Variants in BABAM1 observed in about 807,000 individuals in gnomAD.
BABAM1 encodes BRISC and BRCA1-A complex member 1.
BABAM1 carries 14 observed loss-of-function variants against 34.4 expected under a neutral mutation model. That is an observed-to-expected ratio of 0.41 (90% CI 0.27 to 0.64). BABAM1 has a LOEUF of 0.64. BABAM1 is among the 30% of genes least tolerant of loss of function. The probability of loss-of-function intolerance (pLI) is 0.34; values close to 1 mark genes in which losing one functional copy is unlikely to be tolerated. For synonymous variants in BABAM1, 169 were observed against 165.8 expected, an observed-to-expected ratio of 1.02 and a Z score of -0.15; for missense variants, 393 against 434.0, an observed-to-expected ratio of 0.91 and a Z score of 0.84.
intron 1 of BABAM1, 168 bp from the exon 2 acceptor site, chr19:17,268,626 T>C (rs1348279173): frequency 6.3e-6 from 4 of 639,938 alleles, no homozygotes; most frequent in Non-Finnish European, 1.0e-5. Flanking sequence ...ACGGGGTTTC[T>C]CCATGTTGGT....
At chr19:17,274,528 A>G (rs1326847435) in intron 5 of BABAM1, 3 of 281,916 alleles carry the variant, frequency 1.1e-5, no homozygotes, top group Non-Finnish European at 2.1e-5. Context: ...AGATCTTGCC[A>G]CTGTACTCCA....
chr19:17,274,702 A>C (rs182918377), intron 5 of BABAM1: 1 of 156,468 alleles, frequency 6.4e-6, no homozygotes, highest in Admixed American at 6.2e-5. Context: ...CAGAAGTGTC[A>C]CCATTGTTCC....
Position 17,268,852 on chromosome 19 carries a change from G to A in BABAM1, c.46G>A (p.Glu16Lys). The A allele has an allele frequency of 1.2e-6, 2 of 1,610,266 alleles. No homozygotes were observed. The highest frequency in any genetic ancestry group is 1.1e-5 in the South Asian group (1 of 90,360). The stretch of plus-strand genomic sequence containing the variant: ...CAGCCCCACTGAAGAGGAGGAGGAG[G>A]AAGAGGAGCACTCGGCAGAGCCTCG... ...PSSPTEEEEE[E>K]EEHSAEPRPR... Residue 16 changes from glutamate to lysine, a missense_variant, in exon 2 of 9, where the codon GAA (glutamate) becomes AAA (lysine). Transcript: ENST00000598188.
At chr19:17,275,277 G>A (rs2073894520) in intron 5 of BABAM1, among the ~76,000 whole-genome samples, 1 of 149,430 alleles carries the variant, frequency 6.7e-6, no homozygotes, top group South Asian at 2.2e-4. Context: ...ATGGCTCCCT[G>A]TGGATCTTAT....
At chr19:17,268,275 AAG>A (rs1050851084) in intron 1 of BABAM1, among the ~76,000 whole-genome samples, 1 of 151,600 alleles carries the variant, frequency 6.6e-6, no homozygotes, top group Non-Finnish European at 1.5e-5. Flanking sequence ...AAGAGGAAAA[AAG>A]AGGGGGGACT....
intron 8 of BABAM1, 76 bp downstream of exon 8, chr19:17,276,985 G>C (rs2073917370): frequency 1.4e-6 from 2 of 1,388,530 alleles, no homozygotes; most frequent in Non-Finnish European, 2.0e-6. Flanking sequence ...ACTGGGTCTG[G>C]GGGTCTCTAC....
At position 17,268,800 on chromosome 19, in the gene BABAM1, A is replaced by T; in HGVS notation, c.-7A>T. 6.3e-7 allele frequency: 1 copy of T among 1,596,192 alleles called. No individual in the cohort carries two copies. Among genetic ancestry groups the T allele is most frequent in the South Asian group, 1.1e-5 (1 of 89,394 alleles). On this transcript the variant is annotated 5_prime_UTR_variant, in exon 2 of 9. Coordinates refer to ENST00000598188, the MANE Select transcript of BABAM1 (RefSeq NM_014173.4). ...CTGTCCGTGTTCCATCTAGCCACAC[A>T]GGAGCCATGGAAGTGGCAGAGCCCA...
At chr19:17,272,076 G>A (rs1367215247) in intron 3 of BABAM1, among the ~76,000 whole-genome samples, 1 of 152,002 alleles carries the variant, frequency 6.6e-6, no homozygotes, top group Non-Finnish European at 1.5e-5. Flanking sequence ...GAGTACCTGA[G>A]ATTATAGGCA....
At chr19:17,276,308 G>A (rs1221376760) in intron 6 of BABAM1, 187 bp from the exon 7 acceptor site, 1 of 791,708 alleles carries the variant, frequency 1.3e-6, no homozygotes, top group East Asian at 2.7e-5. Context: ...GCACTTAGAG[G>A]GGTGGGGCTG....
chr19:17,268,744 TA>T, intron 1 of BABAM1, 49 bp from the exon 2 acceptor site: 1 of 1,496,992 alleles, frequency 6.7e-7, no homozygotes, highest in South Asian at 1.3e-5. Flanking sequence ...CAAATGTTTT[TA>T]AAACTCCAAG....
At chr19:17,273,779 G>C in intron 3 of BABAM1, 125 bp from the exon 4 acceptor site, 1 of 1,243,824 alleles carries the variant, frequency 8.0e-7, no homozygotes, top group Non-Finnish European at 1.1e-6. Context: ...TGACCAGGCT[G>C]GTGTTGAACT....
chr19:17,273,652 C>T (rs929314999), intron 3 of BABAM1, among the ~76,000 whole-genome samples: 6 of 149,764 alleles, frequency 4.0e-5, no homozygotes, highest in Admixed American at 2.0e-4. Flanking sequence ...CAACCTCCGC[C>T]TTCTGGGTTC....
rs1196987008 is a variant in BABAM1 at position 17,279,089 on chromosome 19, C to T, written c.*41C>T. On this transcript the variant is annotated 3_prime_UTR_variant, in exon 9 of 9. Transcript: ENST00000598188. ...CTGCACCTTCTTGTGCAAGGAAGTC[C>T]TTGGCCTAAAGCCTTGGTTCTCAAA... is the stretch of plus-strand genomic sequence containing the variant. 1.9e-6 allele frequency: 3 copies of T among 1,571,796 alleles called. No homozygotes were observed. Among genetic ancestry groups the T allele is most frequent in the South Asian group, 2.3e-5 (2 of 86,476 alleles).
rs747958093 is a variant in BABAM1 at position 17,279,043 on chromosome 19, G to GTCTGAAC, written c.986_*2dup. ...TGAAGCCATTGAGGTTGAGGCCACTGTCTGAACCATCCCTGTACATCTGCA... is the reference window on the plus strand; with the variant it reads ...TGAAGCCATTGAGGTTGAGGCCACTGTCTGAACTCTGAACCATCCCTGTACATCTGCA... On this transcript the variant is annotated stop_gained and frameshift_variant, in exon 9 of 9. Transcript: ENST00000598188. LOFTEE classifies it high-confidence loss of function. 1.2e-6 allele frequency: 2 copies of GTCTGAAC among 1,610,322 alleles called. No homozygotes were observed. The highest frequency in any genetic ancestry group is 1.7e-6 in the Non-Finnish European group (2 of 1,178,442).
intron 5 of BABAM1, 84 bp downstream of exon 5, chr19:17,274,269 C>T: frequency 2.6e-6 from 4 of 1,517,280 alleles, no homozygotes; most frequent in South Asian, 1.1e-5. Flanking sequence ...TAAGTCATGA[C>T]TCTGGCTGGC....
intron 7 of BABAM1, 65 bp from the exon 8 acceptor site, chr19:17,276,758 G>A: frequency 6.4e-7 from 1 of 1,559,002 alleles, no homozygotes; most frequent in East Asian, 2.4e-5. Flanking sequence ...AAATGGGGGA[G>A]CTATAGTCAT....
At chr19:17,272,830 G>T (rs915123027) in intron 3 of BABAM1, among the ~76,000 whole-genome samples, 1 of 152,008 alleles carries the variant, frequency 6.6e-6, no homozygotes, top group African/African-American at 2.4e-5. Context: ...CAGCCTGGCC[G>T]ACATAGTGAA....
chr19:17,276,716 G>A, intron 7 of BABAM1, 92 bp downstream of exon 7: 1 of 1,555,620 alleles, frequency 6.4e-7, no homozygotes, highest in Non-Finnish European at 8.7e-7. Flanking sequence ...AGGCTGGGGT[G>A]CCTAGAGGTA....
In BABAM1 at chr19:17,279,180, C is replaced by G; in HGVS notation, c.*132C>G. On this transcript the variant is annotated 3_prime_UTR_variant, in exon 9 of 9. Transcript: ENST00000598188. ...GGCACGTAGGGTACCTTGCAGGGTC[C>G]TAGGAGGGAAACCCAGGATTCCAGG... 1.1e-6 allele frequency: 1 copy of G among 907,974 alleles called. No homozygotes were observed. The highest frequency in any genetic ancestry group is 1.6e-6 in the Non-Finnish European group (1 of 618,496). 56.2% of individuals were successfully genotyped at this position (907,974 alleles called of 1,614,324 possible).
Sources: allele counts gnomAD v4.1 joint callset (sites outside exome capture counted in the v4.1 genomes callset), GRCh38; gene constraint gnomAD v4.1.1; transcripts MANE v1.5; gene names NCBI Gene and HGNC (gene_info 2026-07-23, HGNC 2026-07-21).